FHIT: variants seen among roughly 807,000 people sequenced by gnomAD.
FHIT encodes fragile histidine triad diadenosine triphosphatase.
In FHIT, 19 loss-of-function variants were observed where a neutral mutation model predicts 17.9. The observed-to-expected ratio is 1.06, with a 90% confidence interval of 0.74 to 1.56. The LOEUF is 1.56. FHIT is among the 40% of genes most tolerant of loss of function. The probability of loss-of-function intolerance (pLI) is 0.00; values close to 1 mark genes in which losing one functional copy is unlikely to be tolerated. For missense variants in FHIT, 248 were observed against 189.2 expected, an observed-to-expected ratio of 1.31 and a Z score of -1.82; for synonymous variants, 81 against 69.7, an observed-to-expected ratio of 1.16 and a Z score of -0.81.
chr3:59,999,356 G>A lies in FHIT; in HGVS notation c.279+12015C>T, dbSNP rs370628793. Among the ~76,000 whole-genome samples, 26 of 152,218 alleles carry A rather than the reference G, an allele frequency of 1.7e-4. No individual in the cohort carries two copies. The Middle Eastern group carries it at 0.01, about 60-fold the overall frequency. The stretch of plus-strand genomic sequence containing the variant: ...CATCGTTAAAGTTAATGGAATTACC[G>A]TGTGGTCACGCACTAGAGGGAACCT... On this transcript the variant is annotated intron_variant, in intron 7 of 9. Transcript: ENST00000492590.
intron 4 of FHIT, among the ~76,000 whole-genome samples, chr3:60,783,349 T>A (rs950282840): frequency 6.6e-6 from 1 of 152,052 alleles, no homozygotes; most frequent in African/African-American, 2.4e-5. Flanking sequence ...TTAATGGAAG[T>A]TTAACATAGC....
At chr3:60,077,269 A>G (rs985555693) in intron 5 of FHIT, 10 of 152,038 alleles carry the variant, frequency 6.6e-5, no homozygotes, top group African/African-American at 2.4e-4. Context: ...TATATATAGT[A>G]TGTGTATAAG....
At chr3:60,302,744 C>A (rs894032098) in intron 5 of FHIT, among the ~76,000 whole-genome samples, 3 of 152,084 alleles carry the variant, frequency 2.0e-5, no homozygotes, top group African/African-American at 7.2e-5. Flanking sequence ...GGCTGAGCTC[C>A]TTTATCAAAG....
intron 8 of FHIT, among the ~76,000 whole-genome samples, chr3:59,886,062 C>T (rs774680230): frequency 2.6e-5 from 4 of 152,234 alleles, no homozygotes; most frequent in Non-Finnish European, 5.9e-5. Context: ...GAATCTAAGG[C>T]AGCTTTCTGG....
chr3:60,428,356 A>C (rs1369661843), intron 5 of FHIT, among the ~76,000 whole-genome samples: 2 of 152,158 alleles, frequency 1.3e-5, no homozygotes, highest in Non-Finnish European at 2.9e-5. Flanking sequence ...TCGTGGCAAT[A>C]GGACCCATTT....
intron 5 of FHIT, among the ~76,000 whole-genome samples, chr3:60,276,830 G>C (rs1179251296): frequency 6.6e-6 from 1 of 152,054 alleles, no homozygotes; most frequent in East Asian, 1.9e-4. Context: ...GAGAGTAGAG[G>C]AAGTCCCAGC....
chr3:60,193,500 G>T (rs539782452), intron 5 of FHIT, among the ~76,000 whole-genome samples: 2 of 152,264 alleles, frequency 1.3e-5, no homozygotes, highest in South Asian at 2.1e-4. Context: ...GCTTCCAGAA[G>T]AAAGGCCTCA....
intron 8 of FHIT, among the ~76,000 whole-genome samples, chr3:59,877,270 C>T (rs1703206160): frequency 6.6e-6 from 1 of 152,196 alleles, no homozygotes; most frequent in South Asian, 2.1e-4. Context: ...AATCATTCTA[C>T]TTAACTGGTT....
chr3:60,859,436 C>A (rs186372558), intron 3 of FHIT, among the ~76,000 whole-genome samples: 1 of 152,006 alleles, frequency 6.6e-6, no homozygotes, highest in Non-Finnish European at 1.5e-5. Flanking sequence ...GCATTTCCAC[C>A]CATGCACACA....
chr3:61,208,144 C>G (rs2106735417), intron 1 of FHIT, among the ~76,000 whole-genome samples: 1 of 152,208 alleles, frequency 6.6e-6, no homozygotes, highest in Non-Finnish European at 1.5e-5. Context: ...TTTCTTAATC[C>G]TGAGTTCTAG....
At position 61,071,767 on chromosome 3, in the gene FHIT, G is replaced by T. The variant is rs147983714; in HGVS notation, c.-163-29668C>A. On this transcript the variant is annotated intron_variant, in intron 2 of 9. Transcript: ENST00000492590. The stretch of plus-strand genomic sequence containing the variant: ...TACATATTTTTGAGTGTATAAGCAG[G>T]GTGTGTGTGTTTACAAAGACAAAGA... Among the ~76,000 whole-genome samples, 938 of 151,906 alleles carry T rather than the reference G, an allele frequency of 6.2e-3. 9 individuals are homozygous for T. The highest frequency in any genetic ancestry group is 7.4e-3 in the African/African-American group (304 of 41,300).
chr3:60,205,360 T>C (rs1487674775), intron 5 of FHIT, among the ~76,000 whole-genome samples: 1 of 152,176 alleles, frequency 6.6e-6, no homozygotes, highest in Non-Finnish European at 1.5e-5. Flanking sequence ...TGTATTAACA[T>C]ATTAGCAGGT....
intron 4 of FHIT, among the ~76,000 whole-genome samples, chr3:60,629,577 G>A (rs11926787): frequency 0.51 from 77,476 of 152,010 alleles, 19,876 homozygotes; most frequent in East Asian, 0.65. Flanking sequence ...GATGAAAGCC[G>A]TGTCTAGTAT....
At chr3:60,118,552 C>T (rs1473627110) in intron 5 of FHIT, among the ~76,000 whole-genome samples, 6 of 151,990 alleles carry the variant, frequency 3.9e-5, no homozygotes, top group Admixed American at 2.6e-4. Flanking sequence ...TCCTACAGTG[C>T]TTTCTTCAAT....
intron 5 of FHIT, among the ~76,000 whole-genome samples, chr3:60,472,385 T>A (rs955091021): frequency 7.9e-5 from 12 of 151,610 alleles, no homozygotes; most frequent in African/African-American, 2.9e-4. Context: ...TTTTTTTTTT[T>A]TGAGACGAAG....
chr3:60,266,181 A>C (rs1214451030), intron 5 of FHIT, among the ~76,000 whole-genome samples: 5 of 152,088 alleles, frequency 3.3e-5, no homozygotes, highest in African/African-American at 1.2e-4. Flanking sequence ...AAAGATAAAT[A>C]ATGTGGTACA....
intron 5 of FHIT, among the ~76,000 whole-genome samples, chr3:60,258,952 G>GAAGGGC (rs1706156037): frequency 2.0e-5 from 3 of 151,838 alleles, no homozygotes; most frequent in Admixed American, 1.3e-4. Context: ...ATGAGAAGGG[G>GAAGGGC]AAGGGGAAGG....
chr3:59,985,505 G>T (rs750065463), intron 7 of FHIT, among the ~76,000 whole-genome samples: 21 of 152,074 alleles, frequency 1.4e-4, no homozygotes, highest in Admixed American at 1.3e-3. Flanking sequence ...ATTTTACATT[G>T]AATCTTGAAC....
chr3:60,925,825 G>C (rs1471997588), intron 3 of FHIT, among the ~76,000 whole-genome samples: 2 of 152,178 alleles, frequency 1.3e-5, no homozygotes, highest in African/African-American at 4.8e-5. Context: ...CTCACATGCA[G>C]AGACACACAT....
Sources: allele counts gnomAD v4.1 joint callset (sites outside exome capture counted in the v4.1 genomes callset), GRCh38; gene constraint gnomAD v4.1.1; transcripts MANE v1.5; gene names NCBI Gene and HGNC (gene_info 2026-07-23, HGNC 2026-07-21).